RBFOX2: variants seen among roughly 807,000 people sequenced by gnomAD.
The protein encoded by RBFOX2 is RNA binding fox-1 homolog 2.
RBFOX2 carries 10 observed loss-of-function variants against 49.1 expected under a neutral mutation model. That is an observed-to-expected ratio of 0.20 (90% CI 0.13 to 0.35). The LOEUF is 0.35. Among genes scored for constraint, RBFOX2 ranks in the 10% least tolerant of loss-of-function variants. The pLI, the probability that RBFOX2 is intolerant of heterozygous loss-of-function variation, is 1.00. For synonymous variants in RBFOX2, 183 were observed against 187.4 expected (o/e 0.98, Z 0.19); for missense variants, 323 against 486.9 (o/e 0.66, Z 3.17).
intron 1 of RBFOX2, among the ~76,000 whole-genome samples, chr22:36,006,528 G>A (rs1032232967): frequency 6.6e-6 from 1 of 151,980 alleles, no homozygotes; most frequent in Non-Finnish European, 1.5e-5. Context: ...CCCTTATAAG[G>A]ATATGTTTCT....
rs187159145 is a variant in RBFOX2, at chr22:35,908,425, A to G, written c.-34+30422T>C. On this transcript the variant is annotated intron_variant, in intron 1 of 13. Coordinates refer to the RBFOX2 transcript ENST00000359369. ...ATGCTCAGAACACTTACATTAGGTT[A>G]CAGTTGGGTAAAATCATTTAACACA... Among the ~76,000 whole-genome samples, 4 of 152,368 alleles carry G rather than the reference A, an allele frequency of 2.6e-5. No individual in the cohort carries two copies. In the East Asian group the frequency reaches 7.7e-4, roughly 29 times the overall value.
At chr22:35,875,585 C>A (rs953816077) in intron 1 of RBFOX2, among the ~76,000 whole-genome samples, 1 of 145,106 alleles carries the variant, frequency 6.9e-6, no homozygotes, top group South Asian at 2.3e-4. Context: ...CCATCAACTG[C>A]GAATTAATAA....
intron 1 of RBFOX2, among the ~76,000 whole-genome samples, chr22:35,906,045 A>G (rs916228507): frequency 9.2e-5 from 14 of 152,356 alleles, no homozygotes; most frequent in African/African-American, 3.4e-4. Flanking sequence ...GGTTTGTGTA[A>G]GTACATTCTA....
chr22:35,994,977 C>CTAAAGGT (rs1428417629), intron 1 of RBFOX2: 1 of 152,170 alleles, frequency 6.6e-6, no homozygotes, highest in Non-Finnish European at 1.5e-5. Flanking sequence ...TTTTAGATAA[C>CTAAAGGT]TAAAGGATCC....
At chr22:35,862,381 G>GC (rs1488449467) in intron 1 of RBFOX2, among the ~76,000 whole-genome samples, 3 of 150,532 alleles carry the variant, frequency 2.0e-5, no homozygotes, top group Non-Finnish European at 4.4e-5. Flanking sequence ...CTTTGGAGGG[G>GC]GGGGGGAATG....
rs542525933 is a variant in RBFOX2 at position 35,938,178 on chromosome 22, C to A, written c.-34+669G>T. 1.0e-3 allele frequency among the ~76,000 whole-genome samples: 153 copies of A among 152,268 alleles called. 1 individual carries two copies. The highest frequency in any genetic ancestry group is 3.5e-3 in the African/African-American group (147 of 41,550). On this transcript the variant is annotated intron_variant, in intron 1 of 13. Transcript: ENST00000359369. ...GCCACACCATTTCTCTAAGAGGAAG[C>A]CTTACCTGTTCTTCTATCCTAACTC...
At chr22:35,804,523 A>C (rs1950342563) in intron 2 of RBFOX2, among the ~76,000 whole-genome samples, 1 of 152,142 alleles carries the variant, frequency 6.6e-6, no homozygotes, top group African/African-American at 2.4e-5. Flanking sequence ...CATCACCTAC[A>C]GGGGGACCAA....
At chr22:35,851,582 T>C (rs764915218) in intron 1 of RBFOX2, among the ~76,000 whole-genome samples, 10 of 152,066 alleles carry the variant, frequency 6.6e-5, no homozygotes, top group Non-Finnish European at 1.2e-4. Context: ...ATCCCAACAC[T>C]TTGGGAGGCT....
chr22:35,950,408 A>G (rs923617692), intron 1 of RBFOX2, among the ~76,000 whole-genome samples: 12 of 152,150 alleles, frequency 7.9e-5, no homozygotes, highest in African/African-American at 2.9e-4. Context: ...TCCAGGTCCC[A>G]TTGTGCTTGC....
chr22:35,975,232 T>C (rs1055954349), intron 1 of RBFOX2, among the ~76,000 whole-genome samples: 3 of 152,178 alleles, frequency 2.0e-5, no homozygotes, highest in East Asian at 1.9e-4. Context: ...CTTGTATGAA[T>C]TGGTAATAAA....
chr22:35,847,468 A>G (rs1360277653), intron 1 of RBFOX2, among the ~76,000 whole-genome samples: 1 of 152,196 alleles, frequency 6.6e-6, no homozygotes, highest in Non-Finnish European at 1.5e-5. Context: ...TATGCAATGG[A>G]AAGCTTGGAT....
chr22:36,008,516 A>G (rs1455210911), intron 1 of RBFOX2, among the ~76,000 whole-genome samples: 2 of 152,164 alleles, frequency 1.3e-5, no homozygotes, highest in Non-Finnish European at 2.9e-5. Flanking sequence ...TTTCTCCTAG[A>G]GGTTTAACAA....
intron 1 of RBFOX2, among the ~76,000 whole-genome samples, chr22:35,977,952 CA>C (rs2057279513): frequency 6.6e-6 from 1 of 151,488 alleles, no homozygotes; most frequent in Non-Finnish European, 1.5e-5. Context: ...GGTTGGGGGT[CA>C]GGGGGCACTG....
chr22:35,757,379 TA>T, intron 9 of RBFOX2, among the ~76,000 whole-genome samples: 1 of 152,298 alleles, frequency 6.6e-6, no homozygotes, highest in East Asian at 1.9e-4. Flanking sequence ...AGATAAAAGA[TA>T]AAACTTTCTT....
At chr22:36,025,838 T>C (rs2059411924) in intron 1 of RBFOX2, among the ~76,000 whole-genome samples, 1 of 152,008 alleles carries the variant, frequency 6.6e-6, no homozygotes, top group African/African-American at 2.4e-5. Context: ...ACACATACTT[T>C]ATTTTACAAC....
At chr22:35,784,539 G>T (rs1248839596) in intron 2 of RBFOX2, among the ~76,000 whole-genome samples, 2 of 152,242 alleles carry the variant, frequency 1.3e-5, no homozygotes, top group African/African-American at 2.4e-5. Context: ...AGGCAGGCAG[G>T]CAGTCAGGCA....
At chr22:35,817,181 T>C (rs1416177121) in intron 1 of RBFOX2, among the ~76,000 whole-genome samples, 1 of 151,916 alleles carries the variant, frequency 6.6e-6, no homozygotes, top group Non-Finnish European at 1.5e-5. Context: ...AGTTAAGAGA[T>C]TAAAGAGGGC....
At chr22:35,839,487 G>A (rs1212240099) in intron 1 of RBFOX2, among the ~76,000 whole-genome samples, 1 of 152,034 alleles carries the variant, frequency 6.6e-6, no homozygotes, top group African/African-American at 2.4e-5. Context: ...AAACGAGAGG[G>A]GAGACAGAGG....
upstream of RBFOX2, among the ~76,000 whole-genome samples, chr22:35,941,004 T>A (rs2053634874): frequency 6.6e-6 from 1 of 152,158 alleles, no homozygotes; most frequent in Non-Finnish European, 1.5e-5. Flanking sequence ...ATTTTAGTGA[T>A]GGATGCACAC....
Sources: gnomAD v4.1 joint callset for allele counts (sites outside exome capture counted in the v4.1 genomes callset) on GRCh38, gnomAD v4.1.1 for gene constraint, MANE v1.5 for transcripts, NCBI Gene and HGNC (gene_info 2026-07-23, HGNC 2026-07-21) for gene names.